Variants in BTRC observed in about 807,000 individuals in gnomAD.
BTRC encodes the protein beta-transducin repeat containing E3 ubiquitin protein ligase.
A neutral mutation model predicts 85.5 loss-of-function variants in BTRC; 42 were observed. That is an observed-to-expected ratio of 0.49 (90% confidence interval 0.38 to 0.64). The LOEUF is 0.64. Among genes scored for constraint, BTRC ranks in the 30% least tolerant of loss-of-function variants. The pLI is 0.00. For missense variants in BTRC, 594 were observed against 743.5 expected (o/e 0.80, Z 2.34); for synonymous variants, 255 against 263.3 (o/e 0.97, Z 0.30).
chr10:101,396,929 A>G (rs1943379494), intron 1 of BTRC, among the ~76,000 whole-genome samples: 1 of 151,910 alleles, frequency 6.6e-6, no homozygotes, highest in Non-Finnish European at 1.5e-5. Flanking sequence ...CAGCCTCCAA[A>G]GTAACTGGGA....
intron 1 of BTRC, chr10:101,364,845 A>C (rs1305151672): frequency 7.0e-6 from 1 of 142,156 alleles, no homozygotes; most frequent in Non-Finnish European, 1.5e-5. Context: ...GTATCCCCGG[A>C]GCGAGTGCAC....
At chr10:101,422,627 C>T (rs1944135074) in intron 1 of BTRC, among the ~76,000 whole-genome samples, 1 of 152,094 alleles carries the variant, frequency 6.6e-6, no homozygotes, top group South Asian at 2.1e-4. Flanking sequence ...CTTTACTCCA[C>T]CTTGAATTAA....
At chr10:101,411,350 T>C (rs937197628) in intron 1 of BTRC, among the ~76,000 whole-genome samples, 12 of 152,202 alleles carry the variant, frequency 7.9e-5, no homozygotes, top group Admixed American at 7.2e-4. Context: ...TCTTCAGATA[T>C]ATTTGGAAAT....
rs1358896166 is a variant in BTRC at position 101,479,313 on chromosome 10, A to G, written c.235-55A>G. On this transcript the variant is annotated intron_variant, in intron 3 of 14. Coordinates refer to ENST00000370187, the MANE Select transcript of BTRC (RefSeq NM_033637.4). ...AAATAGAGCAGAATTTGAAAACAGGATATGGCAGTATTTCAATATTTTAAA... is the reference window on the plus strand; with the variant it reads ...AAATAGAGCAGAATTTGAAAACAGGGTATGGCAGTATTTCAATATTTTAAA... 5.4e-6 allele frequency: 7 copies of G among 1,296,372 alleles called. No individual in the cohort carries two copies. The East Asian group carries it at 9.4e-5, about 17-fold the overall frequency. 80.3% of individuals were successfully genotyped at this position (1,296,372 alleles called of 1,614,324 possible). A position where few individuals can be genotyped will look rare whatever the true frequency, so the allele number is the denominator to read the frequency against.
intron 1 of BTRC, among the ~76,000 whole-genome samples, chr10:101,392,116 A>G (rs1300289003): frequency 6.6e-6 from 1 of 151,956 alleles, no homozygotes; most frequent in Non-Finnish European, 1.5e-5. Flanking sequence ...TGTAGCTGGG[A>G]TTACTGGCGT....
intron 2 of BTRC, among the ~76,000 whole-genome samples, chr10:101,449,172 C>T (rs1010354043): frequency 1.3e-5 from 2 of 151,632 alleles, no homozygotes; most frequent in Non-Finnish European, 2.9e-5. Context: ...TAGCTTTTAT[C>T]AAGTTTAAAG....
At chr10:101,472,495 A>T (rs1945559080) in intron 3 of BTRC, among the ~76,000 whole-genome samples, 1 of 151,622 alleles carries the variant, frequency 6.6e-6, no homozygotes, top group Non-Finnish European at 1.5e-5. Context: ...CTGGTTTAAG[A>T]TTTTTTTCCT....
intron 2 of BTRC, among the ~76,000 whole-genome samples, chr10:101,445,225 A>T (rs779024841): frequency 3.3e-5 from 5 of 152,212 alleles, no homozygotes; most frequent in Non-Finnish European, 5.9e-5. Flanking sequence ...GTTTTAGGAC[A>T]TTGGAATAGC....
At chr10:101,368,672 G>A (rs939507714) in intron 1 of BTRC, among the ~76,000 whole-genome samples, 4 of 151,878 alleles carry the variant, frequency 2.6e-5, no homozygotes, top group Admixed American at 6.6e-5. Context: ...ACTTTCTTTA[G>A]CAGTGTATGG....
chr10:101,522,383 AAAAAAAAC>A (rs1425369451), intron 5 of BTRC, among the ~76,000 whole-genome samples: 2 of 138,534 alleles, frequency 1.4e-5, no homozygotes, highest in African/African-American at 2.6e-5. Flanking sequence ...AAAACAAAAA[AAAAAAAAC>A]TCTAGAAATA....
chr10:101,474,560 T>G (rs1235025653), intron 3 of BTRC, among the ~76,000 whole-genome samples: 1 of 152,184 alleles, frequency 6.6e-6, no homozygotes, highest in East Asian at 1.9e-4. Context: ...AGCCATAGAT[T>G]TGAGGGGAAT....
chr10:101,389,799 A>AT (rs1376302724), intron 1 of BTRC, among the ~76,000 whole-genome samples: 2 of 151,182 alleles, frequency 1.3e-5, no homozygotes, highest in Non-Finnish European at 3.0e-5. Flanking sequence ...TAATTTTTAA[A>AT]TTTTTTGTAC....
At chr10:101,383,914 T>G (rs1434234297) in intron 1 of BTRC, among the ~76,000 whole-genome samples, 1 of 152,210 alleles carries the variant, frequency 6.6e-6, no homozygotes, top group African/African-American at 2.4e-5. Context: ...AGTCTTGCTA[T>G]GTTGCCCAGG....
chr10:101,479,384 C>T lies in BTRC; in HGVS notation c.251C>T (p.Ala84Val). 1 of 1,612,780 alleles carries T rather than the reference C, an allele frequency of 6.2e-7. No individual in the cohort carries two copies. Residue 84 changes from alanine to valine, a missense_variant, in exon 4 of 15, where the codon GCC (alanine) becomes GTC (valine). Around this residue, in one of 4 missense-constraint regions of BTRC, gnomAD observed 163 missense variants for 180.5 expected, o/e 0.90. Coordinates refer to ENST00000370187, the MANE Select transcript of BTRC (RefSeq NM_033637.4). ...NSLRQTYNSC[A>V]RLCLNQETVC... ...TCTTTACAGACATACAACAGCTGTG[C>T]CAGACTCTGCTTAAACCAAGAAACA...
intron 2 of BTRC, 44 bp downstream of exon 2, chr10:101,430,496 T>A: frequency 6.7e-7 from 1 of 1,499,524 alleles, no homozygotes. Flanking sequence ...CATTAGTGTA[T>A]GTGTCTAATT....
chr10:101,527,058 G>A (rs1238475074), intron 6 of BTRC, among the ~76,000 whole-genome samples: 1 of 152,142 alleles, frequency 6.6e-6, no homozygotes, highest in Non-Finnish European at 1.5e-5. Context: ...GGAAAGCTAC[G>A]TAGTAATAGT....
intron 1 of BTRC, among the ~76,000 whole-genome samples, chr10:101,379,860 A>G (rs1319657738): frequency 1.3e-5 from 2 of 152,218 alleles, no homozygotes; most frequent in African/African-American, 4.8e-5. Flanking sequence ...ATTTAACAAA[A>G]TGATTGTTAC....
At chr10:101,387,528 C>CTTTGTTTTTTTTTTTTTTTTT (rs1943110850) in intron 1 of BTRC, among the ~76,000 whole-genome samples, 1 of 45,122 alleles carries the variant, frequency 2.2e-5, no homozygotes. Flanking sequence ...CTTCATGGGA[C>CTTTGTTTTTTTTTTTTTTTTT]TTTTTTTTTT....
intron 13 of BTRC, 25 bp from the exon 14 acceptor site, chr10:101,550,674 A>G: frequency 6.2e-7 from 1 of 1,604,186 alleles, no homozygotes; most frequent in Non-Finnish European, 8.5e-7. Context: ...TCAAGTTCCT[A>G]CCCTTTTTGT....
Sources: gnomAD v4.1 joint callset for allele counts (sites outside exome capture counted in the v4.1 genomes callset) on GRCh38, gnomAD v4.1.1 for gene constraint, gnomAD v4.1.1 regional missense constraint, MANE v1.5 for transcripts, NCBI Gene and HGNC (gene_info 2026-07-23, HGNC 2026-07-21) for gene names.